KIAA0825: variants seen among roughly 807,000 people sequenced by gnomAD.
KIAA0825 encodes KIAA0825.
Under a neutral mutation model 147.6 loss-of-function variants are expected in KIAA0825, and 119 were observed. The ratio of observed to expected loss-of-function variants is 0.81; its 90% CI spans 0.69 to 0.94. The LOEUF is 0.94. KIAA0825 is among the 40% of genes least tolerant of loss of function. The pLI is 0.00. For missense variants in KIAA0825, 1,381 were observed against 1,472.7 expected, an observed-to-expected ratio of 0.94 and a Z score of 1.02; for synonymous variants, 470 against 518.1, an observed-to-expected ratio of 0.91 and a Z score of 1.26.
At chr5:94,541,902 G>A (rs768365449) in intron 2 of KIAA0825, among the ~76,000 whole-genome samples, 7 of 152,128 alleles carry the variant, frequency 4.6e-5, no homozygotes, top group Non-Finnish European at 7.4e-5. Flanking sequence ...TATGTTATTG[G>A]TATACGTTCC....
intron 20 of KIAA0825, among the ~76,000 whole-genome samples, chr5:94,259,922 C>G (rs1776415921): frequency 6.6e-6 from 1 of 151,858 alleles, no homozygotes; most frequent in Non-Finnish European, 1.5e-5. Flanking sequence ...GCTGAATATC[C>G]TAATTTGTCC....
At chr5:94,355,423 A>G (rs1011174488) in intron 20 of KIAA0825, among the ~76,000 whole-genome samples, 3 of 152,160 alleles carry the variant, frequency 2.0e-5, no homozygotes, top group African/African-American at 7.2e-5. Flanking sequence ...TTGTCATGTA[A>G]TGTTATGCTG....
rs150058005 is a variant in KIAA0825, at chr5:94,485,516, G to T, written c.971-586C>A. ...ATGACTTAATTTCCCGATTTATATA[G>T]CTGTATTGTGGTTAAGCAAGAGAAT... On this transcript the variant is annotated intron_variant, in intron 5 of 20. Coordinates refer to ENST00000682413, the MANE Select transcript of KIAA0825 (RefSeq NM_001145678.3). Among the ~76,000 whole-genome samples the T allele has an allele frequency of 2.1e-3, 324 of 151,824 alleles. 1 individual carries two copies. The highest frequency in any genetic ancestry group is 3.6e-3 in the Non-Finnish European group (246 of 67,706).
At chr5:94,293,812 A>G (rs1008662940) in intron 20 of KIAA0825, among the ~76,000 whole-genome samples, 4 of 152,224 alleles carry the variant, frequency 2.6e-5, no homozygotes, top group Admixed American at 2.6e-4. Flanking sequence ...GGGTGCATAT[A>G]AATTTAGGAT....
intron 20 of KIAA0825, among the ~76,000 whole-genome samples, chr5:94,185,582 A>C (rs186919755): frequency 6.6e-6 from 1 of 152,052 alleles, no homozygotes; most frequent in Non-Finnish European, 1.5e-5. Flanking sequence ...TTACCCCTGC[A>C]CTCTGGTCTT....
At chr5:94,245,751 A>G (rs1775572515) in intron 20 of KIAA0825, among the ~76,000 whole-genome samples, 1 of 152,184 alleles carries the variant, frequency 6.6e-6, no homozygotes, top group African/African-American at 2.4e-5. Flanking sequence ...GTGACATATG[A>G]TGGTAGAGAC....
At chr5:94,411,686 C>T (rs572568546) in intron 15 of KIAA0825, among the ~76,000 whole-genome samples, 3 of 152,172 alleles carry the variant, frequency 2.0e-5, no homozygotes, top group Admixed American at 6.5e-5. Context: ...TGGTGGCTCA[C>T]GCCTGTAATC....
intron 1 of KIAA0825, among the ~76,000 whole-genome samples, chr5:94,588,323 A>G (rs1328838392): frequency 1.3e-5 from 2 of 152,230 alleles, no homozygotes; most frequent in Admixed American, 1.3e-4. Flanking sequence ...CAGAATCTAC[A>G]AAGAACTTAA....
At chr5:94,241,526 G>A (rs1242160641) in intron 20 of KIAA0825, among the ~76,000 whole-genome samples, 1 of 152,138 alleles carries the variant, frequency 6.6e-6, no homozygotes, top group Admixed American at 6.5e-5. Context: ...AGTAATTTAA[G>A]GACAGCTACC....
In KIAA0825 at chr5:94,242,695, G is replaced by A. The variant is rs1041791149; in HGVS notation, c.3711-88571C>T. ...GGCTGGAGTGCAGTGCTGCCATCTC[G>A]GCTCACTGCAACCTCTGCCTCCAGG... On this transcript the variant is annotated intron_variant, in intron 20 of 20. Transcript: ENST00000682413. 4.6e-5 allele frequency among the ~76,000 whole-genome samples: 7 copies of A among 150,938 alleles called. No homozygotes were observed. In the South Asian group the frequency reaches 6.3e-4, roughly 14 times the overall value.
At chr5:94,289,309 G>A (rs1777785104) in intron 20 of KIAA0825, among the ~76,000 whole-genome samples, 1 of 152,122 alleles carries the variant, frequency 6.6e-6, no homozygotes, top group Admixed American at 6.5e-5. Context: ...GCAGAGGTGG[G>A]CGGATCACCT....
At chr5:94,485,438 T>C (rs1323274982) in intron 5 of KIAA0825, among the ~76,000 whole-genome samples, 1 of 151,760 alleles carries the variant, frequency 6.6e-6, no homozygotes, top group Non-Finnish European at 1.5e-5. Context: ...AAGACATACT[T>C]GGGATAATTT....
chr5:94,582,971 T>C (rs1782496118), intron 1 of KIAA0825, among the ~76,000 whole-genome samples: 1 of 152,206 alleles, frequency 6.6e-6, no homozygotes, highest in African/African-American at 2.4e-5. Flanking sequence ...TAGTTACTAT[T>C]TGCTCCAAAT....
chr5:94,558,925 A>G (rs1777061152), intron 2 of KIAA0825, among the ~76,000 whole-genome samples: 1 of 152,174 alleles, frequency 6.6e-6, no homozygotes. Flanking sequence ...AATTCCACCA[A>G]TTTATTATTA....
intron 20 of KIAA0825, among the ~76,000 whole-genome samples, chr5:94,310,208 C>T (rs1779037461): frequency 6.6e-6 from 1 of 151,544 alleles, no homozygotes; most frequent in South Asian, 2.1e-4. Flanking sequence ...TCTTGTTATT[C>T]TCATTGCCAG....
chr5:94,506,331 T>C lies in KIAA0825; in HGVS notation c.970+13917A>G, dbSNP rs75248976. 6.7e-3 allele frequency among the ~76,000 whole-genome samples: 1,028 copies of C among 152,316 alleles called. 8 individuals carry two copies. The highest frequency in any genetic ancestry group is 0.023 in the African/African-American group (975 of 41,584). On this transcript the variant is annotated intron_variant, in intron 5 of 20. Transcript: ENST00000682413. Reference sequence around the variant, plus strand: ...GCTACTTTGATTATTTTAAGAACTATAAAACTTTGAACACTTTGACCTATG... The same window carrying C: ...GCTACTTTGATTATTTTAAGAACTACAAAACTTTGAACACTTTGACCTATG...
At chr5:94,597,136 T>C (rs1389405251) in intron 1 of KIAA0825, among the ~76,000 whole-genome samples, 1 of 152,166 alleles carries the variant, frequency 6.6e-6, no homozygotes, top group Non-Finnish European at 1.5e-5. Flanking sequence ...TGGTTAGAGA[T>C]GGCATCCTTT....
chr5:94,196,609 A>T lies in KIAA0825; in HGVS notation c.3711-42485T>A, dbSNP rs148529489. ...TCAGATAGGTAGTTTTTCGACCCTT[A>T]TCCTCCTTCCACCCTTTCACCTCAA... is the stretch of plus-strand genomic sequence containing the variant. On this transcript the variant is annotated intron_variant, in intron 20 of 20. Transcript: ENST00000682413. Among the ~76,000 whole-genome samples the T allele has an allele frequency of 2.0e-5, 3 of 152,154 alleles. No individual in the cohort carries two copies. In the East Asian group the frequency reaches 5.8e-4, roughly 29 times the overall value.
At chr5:94,195,491 G>A (rs1428876857) in intron 20 of KIAA0825, among the ~76,000 whole-genome samples, 1 of 152,152 alleles carries the variant, frequency 6.6e-6, no homozygotes, top group Non-Finnish European at 1.5e-5. Context: ...AATTAAAACA[G>A]ATTTAGGTTC....
Sources: allele counts gnomAD v4.1 joint callset (sites outside exome capture counted in the v4.1 genomes callset), GRCh38; gene constraint gnomAD v4.1.1; transcripts MANE v1.5; gene names NCBI Gene and HGNC (gene_info 2026-07-23, HGNC 2026-07-21).